RYR3: variants seen among roughly 807,000 people sequenced by gnomAD.
RYR3 encodes the protein ryanodine receptor 3.
A neutral mutation model predicts 584.3 loss-of-function variants in RYR3; 207 were observed. That is an observed-to-expected ratio of 0.35 (90% CI 0.32 to 0.40). The LOEUF is 0.40. Among genes scored for constraint, RYR3 ranks in the 10% least tolerant of loss-of-function variants. RYR3 has a pLI of 1.00. For missense variants in RYR3, 5,616 were observed against 6,089.2 expected, an observed-to-expected ratio of 0.92 and a Z score of 2.59; for synonymous variants, 2,416 against 2,248.5, an observed-to-expected ratio of 1.07 and a Z score of -2.11.
intron 10 of RYR3, among the ~76,000 whole-genome samples, chr15:33,561,586 G>A (rs1485372062): frequency 2.0e-5 from 3 of 152,134 alleles, no homozygotes; most frequent in Admixed American, 1.3e-4. Context: ...TGGTAATGAC[G>A]CAATACATAT....
At chr15:33,554,310 T>C (rs2056911523) in intron 10 of RYR3, among the ~76,000 whole-genome samples, 1 of 73,220 alleles carries the variant, frequency 1.4e-5, no homozygotes, top group Admixed American at 1.7e-4. Context: ...TTTTTTTTTT[T>C]TTGAGGTGGA....
At chr15:33,653,579 A>G (rs2062627712) in intron 32 of RYR3, among the ~76,000 whole-genome samples, 1 of 151,926 alleles carries the variant, frequency 6.6e-6, no homozygotes, top group African/African-American at 2.4e-5. Flanking sequence ...CTGGGGCAGG[A>G]GAATCGCTTG....
chr15:33,420,560 T>G lies in RYR3; in HGVS notation c.52-52859T>G, dbSNP rs544055501. ...CTGATGAGGTAGAAATCTATCCTTATTTTGCAGACGAAGTTAAGGCACAAG... is the reference window on the plus strand; with the variant it reads ...CTGATGAGGTAGAAATCTATCCTTAGTTTGCAGACGAAGTTAAGGCACAAG... On this transcript the variant is annotated intron_variant, in intron 1 of 103. Coordinates refer to ENST00000634891, the MANE Select transcript of RYR3 (RefSeq NM_001036.6). 1.1e-4 allele frequency among the ~76,000 whole-genome samples: 17 copies of G among 152,276 alleles called. No homozygotes were observed. In the South Asian group the frequency reaches 3.5e-3, roughly 32 times the overall value.
At chr15:33,603,090 G>C (rs777493449) in intron 17 of RYR3, 33 bp from the exon 18 acceptor site, 2 of 1,611,122 alleles carry the variant, frequency 1.2e-6, no homozygotes, top group South Asian at 2.2e-5. Context: ...TTTTAAGGGT[G>C]TGTAGATGCC....
intron 44 of RYR3, among the ~76,000 whole-genome samples, chr15:33,723,258 C>T (rs16957858): frequency 0.078 from 11,834 of 152,248 alleles, 1,163 homozygotes; most frequent in African/African-American, 0.23. Context: ...CACGGTGTCT[C>T]GTCCCATACC....
intron 41 of RYR3, 77 bp from the exon 42 acceptor site, chr15:33,700,900 A>C: frequency 4.0e-6 from 4 of 1,000,646 alleles, no homozygotes; most frequent in Non-Finnish European, 6.1e-6. Flanking sequence ...CTGTCCGCTT[A>C]CGTGCACTGC....
chr15:33,323,452 G>A (rs1969276616), intron 1 of RYR3, among the ~76,000 whole-genome samples: 1 of 151,974 alleles, frequency 6.6e-6, no homozygotes, highest in Non-Finnish European at 1.5e-5. Flanking sequence ...AGTGGCTGAG[G>A]ATTCTTTCTG....
At chr15:33,757,729 CGAAA>C in intron 60 of RYR3, 133 bp downstream of exon 60, 5 of 946,186 alleles carry the variant, frequency 5.3e-6, no homozygotes, top group Non-Finnish European at 4.7e-6. Context: ...ATCTGAGTTT[CGAAA>C]GAAACTATAT....
intron 3 of RYR3, among the ~76,000 whole-genome samples, chr15:33,510,923 T>C (rs1315216824): frequency 6.6e-6 from 1 of 152,224 alleles, no homozygotes; most frequent in Non-Finnish European, 1.5e-5. Flanking sequence ...TATGAAGATA[T>C]GTGCAAATAA....
intron 60 of RYR3, among the ~76,000 whole-genome samples, chr15:33,765,253 T>C (rs190040972): frequency 1.3e-5 from 2 of 152,264 alleles, no homozygotes; most frequent in Admixed American, 6.5e-5. Context: ...TGGATTCTAC[T>C]GTGCCTCAGG....
At chr15:33,761,344 G>C (rs1053638694) in intron 60 of RYR3, among the ~76,000 whole-genome samples, 1 of 151,992 alleles carries the variant, frequency 6.6e-6, no homozygotes, top group African/African-American at 2.4e-5. Context: ...TAACAAAATA[G>C]ACCACTAGCC....
intron 36 of RYR3, among the ~76,000 whole-genome samples, chr15:33,666,565 T>C (rs550893743): frequency 6.6e-6 from 1 of 152,318 alleles, no homozygotes; most frequent in South Asian, 2.1e-4. Flanking sequence ...TTTCAGAGAA[T>C]AGCAATGCAA....
rs1162045121 is a variant in RYR3, at chr15:33,750,266, G to A, written c.8379G>A (p.Val2793=). 6.2e-7 allele frequency: 1 copy of A among 1,611,056 alleles called. No individual in the cohort carries two copies. The highest frequency in any genetic ancestry group is 1.7e-5 in the Admixed American group (1 of 59,724). Residue 2793 remains valine (V), a synonymous_variant, in exon 57 of 104, where the codon GTG becomes GTA. Transcript: ENST00000634891. ...AGGACCTGTTTAAGTTCCTCCAAGT[G>A]AATGGCATCATAGTTTCCAGGTAAG... is the stretch of plus-strand genomic sequence containing the variant. ...KAQDLFKFLQ[V]NGIIVSRGMK...
At chr15:33,785,104 C>T (rs1225329050) in intron 65 of RYR3, among the ~76,000 whole-genome samples, 2 of 152,190 alleles carry the variant, frequency 1.3e-5, no homozygotes, top group African/African-American at 2.4e-5. Context: ...AGAAATCAGT[C>T]CACGTGCGAT....
At position 33,603,502 on chromosome 15, in the gene RYR3, A is replaced by T. The variant is rs558497025; in HGVS notation, c.2164+138A>T. On this transcript the variant is annotated intron_variant, in intron 18 of 103. Transcript: ENST00000634891. ...CAACTAATTAAACGGTTAGGTGGAA[A>T]AGAGTATCAGATTAAAATAAGACTC... The T allele has an allele frequency of 9.5e-6, 9 of 947,346 alleles. No individual in the cohort carries two copies. The African/African-American group carries it at 1.3e-4, about 14-fold the overall frequency. The allele number at this position is 947,346 out of a possible 1,614,324, so 58.7% of individuals were successfully genotyped here.
intron 8 of RYR3, among the ~76,000 whole-genome samples, chr15:33,544,594 T>A (rs538366433): frequency 1.3e-5 from 2 of 152,158 alleles, no homozygotes; most frequent in Non-Finnish European, 2.9e-5. Context: ...AGCTGCTGAC[T>A]CTCCATCAGG....
chr15:33,437,246 G>A (rs1465426387), intron 1 of RYR3, among the ~76,000 whole-genome samples: 1 of 152,098 alleles, frequency 6.6e-6, no homozygotes, highest in African/African-American at 2.4e-5. Flanking sequence ...CTGTGGTCTG[G>A]AGCAAAGTCG....
intron 94 of RYR3, among the ~76,000 whole-genome samples, chr15:33,848,836 T>C (rs2078895003): frequency 7.2e-6 from 1 of 138,100 alleles, no homozygotes; most frequent in Non-Finnish European, 1.6e-5. Context: ...CTTTTTTTTT[T>C]TTTTTTTTTT....
chr15:33,828,759 T>C (rs977512834), intron 85 of RYR3, among the ~76,000 whole-genome samples: 9 of 152,206 alleles, frequency 5.9e-5, no homozygotes, highest in African/African-American at 2.2e-4. Flanking sequence ...AACAAAAGTG[T>C]AAGGTAAAGC....
Sources: gnomAD v4.1 joint callset for allele counts (sites outside exome capture counted in the v4.1 genomes callset) on GRCh38, gnomAD v4.1.1 for gene constraint, MANE v1.5 for transcripts, NCBI Gene and HGNC (gene_info 2026-07-23, HGNC 2026-07-21) for gene names.